KSR2: variants seen among roughly 807,000 people sequenced by gnomAD.
KSR2 encodes kinase suppressor of ras 2.
Under a neutral mutation model 107.8 loss-of-function variants are expected in KSR2, and 25 were observed. The ratio of observed to expected loss-of-function variants is 0.23; its 90% CI spans 0.17 to 0.32. The LOEUF (loss-of-function observed/expected upper bound fraction) is 0.32, where lower values mean the gene tolerates loss of function less well. Among genes scored for constraint, KSR2 ranks in the 10% least tolerant of loss-of-function variants. KSR2 has a pLI of 1.00. For missense variants in KSR2, 887 were observed against 1,268.9 expected (o/e 0.70, Z 4.57); for synonymous variants, 480 against 507.0 (o/e 0.95, Z 0.71).
At chr12:117,794,289 TCACACA>T (rs140987124) in intron 3 of KSR2, among the ~76,000 whole-genome samples, 1 of 13,696 alleles carries the variant, frequency 7.3e-5, no homozygotes, top group Non-Finnish European at 1.1e-4. Context: ...CAACATGCAC[TCACACA>T]CCAACATGCA....
At chr12:117,622,974 T>A (rs1467594443) in intron 5 of KSR2, among the ~76,000 whole-genome samples, 2 of 152,082 alleles carry the variant, frequency 1.3e-5, no homozygotes, top group Admixed American at 1.3e-4. Context: ...ATGGAGGAAG[T>A]TTAAGGTAGT....
At chr12:117,680,298 G>A (rs1033601444) in intron 4 of KSR2, among the ~76,000 whole-genome samples, 9 of 152,206 alleles carry the variant, frequency 5.9e-5, no homozygotes, top group Non-Finnish European at 1.0e-4. Flanking sequence ...TGTTCTTTAC[G>A]GGTATTAACA....
intron 5 of KSR2, among the ~76,000 whole-genome samples, chr12:117,611,012 T>C (rs1229172646): frequency 6.6e-6 from 1 of 152,192 alleles, no homozygotes; most frequent in Non-Finnish European, 1.5e-5. Context: ...TTAATAACAA[T>C]GATTTGTACA....
chr12:117,468,148 T>C (rs1023752748), intron 19 of KSR2, among the ~76,000 whole-genome samples: 10 of 152,200 alleles, frequency 6.6e-5, no homozygotes, highest in Admixed American at 3.3e-4. Context: ...CCATTGTAAA[T>C]CCTGCCAGGC....
intron 9 of KSR2, among the ~76,000 whole-genome samples, chr12:117,546,126 C>T (rs148431404): frequency 1.4e-3 from 220 of 152,234 alleles, no homozygotes; most frequent in African/African-American, 5.0e-3. Context: ...TTAGAAAATA[C>T]TTTTCAGTTA....
intron 14 of KSR2, among the ~76,000 whole-genome samples, chr12:117,502,901 G>A (rs1005121071): frequency 2.0e-5 from 3 of 152,116 alleles, no homozygotes; most frequent in African/African-American, 4.8e-5. Context: ...CTTTGCTCTC[G>A]AAGCTTTGTA....
intron 4 of KSR2, among the ~76,000 whole-genome samples, chr12:117,678,933 C>T (rs1487237150): frequency 1.3e-5 from 2 of 152,278 alleles, no homozygotes; most frequent in Admixed American, 6.5e-5. Context: ...CAGACAAGGT[C>T]TGCTGAGGGG....
chr12:117,964,304 G>C (rs897940024), intron 1 of KSR2, among the ~76,000 whole-genome samples: 1 of 152,160 alleles, frequency 6.6e-6, no homozygotes, highest in African/African-American at 2.4e-5. Flanking sequence ...CACATAGGTA[G>C]CATATTAAAG....
intron 10 of KSR2, among the ~76,000 whole-genome samples, chr12:117,537,609 T>G (rs1876143139): frequency 6.6e-6 from 1 of 152,190 alleles, no homozygotes; most frequent in African/African-American, 2.4e-5. Flanking sequence ...CACACAGACA[T>G]TAAGTGGTAA....
intron 4 of KSR2, among the ~76,000 whole-genome samples, chr12:117,684,379 TA>T (rs1372523105): frequency 2.6e-5 from 4 of 152,284 alleles, no homozygotes; most frequent in Non-Finnish European, 5.9e-5. Context: ...AACAGCTCCA[TA>T]AAAACAGTTT....
At chr12:117,913,812 C>T (rs934407190) in intron 1 of KSR2, among the ~76,000 whole-genome samples, 1 of 152,010 alleles carries the variant, frequency 6.6e-6, no homozygotes, top group Non-Finnish European at 1.5e-5. Flanking sequence ...TACAGCAGCC[C>T]TAGGAAATTA....
At chr12:117,837,778 G>A (rs767691971) in intron 3 of KSR2, among the ~76,000 whole-genome samples, 8 of 152,206 alleles carry the variant, frequency 5.3e-5, no homozygotes, top group Non-Finnish European at 1.0e-4. Flanking sequence ...AAAATGATCA[G>A]ATGATGAAGC....
chr12:117,640,157 AC>A (rs1373575244), intron 5 of KSR2, among the ~76,000 whole-genome samples: 1 of 152,056 alleles, frequency 6.6e-6, no homozygotes, highest in African/African-American at 2.4e-5. Flanking sequence ...GAATCAAGAC[AC>A]GCTTCACTTA....
intron 1 of KSR2, among the ~76,000 whole-genome samples, chr12:117,898,358 G>T (rs1453559245): frequency 6.6e-6 from 1 of 150,810 alleles, no homozygotes; most frequent in Non-Finnish European, 1.5e-5. Context: ...TTGAGACAGG[G>T]TCTTGCTCTG....
Position 117,792,958 on chromosome 12 carries a change from GCA to G in KSR2, c.473-31436_473-31435del, listed in dbSNP as rs948394300. On this transcript the variant is annotated intron_variant, in intron 3 of 19. Transcript: ENST00000339824. ...CATGCACACACGCTCACACCAACGT[GCA>G]CACACAACATGCACACACTCTCACA... is the stretch of plus-strand genomic sequence containing the variant. Among the ~76,000 whole-genome samples, 8 of 124,532 alleles carry G rather than the reference GCA, an allele frequency of 6.4e-5. No homozygotes were observed. In the East Asian group the frequency reaches 1.0e-3, roughly 16 times the overall value. The allele number at this position is 124,532 out of a possible 152,430, so 81.7% of individuals were successfully genotyped here. A position where few individuals can be genotyped will look rare whatever the true frequency, so the allele number is the denominator to read the frequency against.
intron 4 of KSR2, among the ~76,000 whole-genome samples, chr12:117,693,716 G>A (rs1203577248): frequency 6.6e-6 from 1 of 152,098 alleles, no homozygotes; most frequent in Non-Finnish European, 1.5e-5. Context: ...CAGGCCCTAT[G>A]CGAGATGCTT....
At chr12:117,892,891 C>T (rs1894391941) in intron 1 of KSR2, among the ~76,000 whole-genome samples, 1 of 151,726 alleles carries the variant, frequency 6.6e-6, no homozygotes, top group Non-Finnish European at 1.5e-5. Flanking sequence ...AGGACTGTGG[C>T]TGCCCTGTCC....
At chr12:117,471,107 C>T (rs1871426914) in intron 18 of KSR2, 84 bp downstream of exon 18, 5 of 1,541,326 alleles carry the variant, frequency 3.2e-6, no homozygotes, top group Middle Eastern at 1.7e-4. Context: ...GCATTTGTAA[C>T]CTTAACACAT....
At chr12:117,838,268 C>T (rs867826510) in intron 3 of KSR2, among the ~76,000 whole-genome samples, 20 of 152,306 alleles carry the variant, frequency 1.3e-4, no homozygotes, top group South Asian at 4.1e-4. Context: ...CCCAGATTCA[C>T]GCAATTCTCC....
Sources: gnomAD v4.1 joint callset for allele counts (sites outside exome capture counted in the v4.1 genomes callset) on GRCh38, gnomAD v4.1.1 for gene constraint, MANE v1.5 for transcripts, NCBI Gene and HGNC (gene_info 2026-07-23, HGNC 2026-07-21) for gene names.